MTHFD1L: variants seen among roughly 807,000 people sequenced by gnomAD.
MTHFD1L encodes monofunctional C1-tetrahydrofolate synthase, mitochondrial.
MTHFD1L carries 81 observed loss-of-function variants against 119.5 expected under a neutral mutation model. That is an observed-to-expected ratio of 0.68 (90% CI 0.57 to 0.82). The LOEUF is 0.82. MTHFD1L is among the 40% of genes least tolerant of loss of function. The pLI, the probability that MTHFD1L is intolerant of heterozygous loss-of-function variation, is 0.00. For missense variants in MTHFD1L, 1,125 were observed against 1,253.4 expected (o/e 0.90, Z 1.55); for synonymous variants, 430 against 475.2 (o/e 0.90, Z 1.24).
At chr6:150,866,395 G>GGCGGT in intron 1 of MTHFD1L, 1 of 1,378,700 alleles carries the variant, frequency 7.3e-7, no homozygotes, top group Non-Finnish European at 9.3e-7. Context: ...ACGGTAAAGG[G>GGCGGT]GCGGTGCGGC....
At chr6:150,982,896 C>T (rs893807966) in intron 20 of MTHFD1L, among the ~76,000 whole-genome samples, 8 of 152,114 alleles carry the variant, frequency 5.3e-5, no homozygotes, top group Admixed American at 3.3e-4. Context: ...GATGGGGTTT[C>T]GCCAAGTTGA....
chr6:150,909,978 C>G (rs1235040735), intron 8 of MTHFD1L, among the ~76,000 whole-genome samples: 1 of 151,830 alleles, frequency 6.6e-6, no homozygotes, highest in African/African-American at 2.4e-5. Context: ...GTCAGGAGTT[C>G]GAGACCAGCC....
Position 150,882,855 on chromosome 6 carries a change from A to G in MTHFD1L, c.511A>G (p.Asn171Asp), listed in dbSNP as rs1386822368. 1.9e-6 allele frequency: 3 copies of G among 1,579,206 alleles called. No homozygotes were observed. The highest frequency in any genetic ancestry group is 2.6e-6 in the Non-Finnish European group (3 of 1,169,770). ...SENLFSNKVL[N>D]ALKPEKDVDG... Reference sequence around the variant, plus strand: ...GAACTTGTTTAGCAACAAAGTCCTCAATGCCTTGAAACCAGAAAAAGATGT... The same window carrying G: ...GAACTTGTTTAGCAACAAAGTCCTCGATGCCTTGAAACCAGAAAAAGATGT... Residue 171 changes from asparagine (N) to aspartate (D), a missense_variant, in exon 5 of 28, where the codon AAT becomes GAT. By Grantham distance (23) the Asn-to-Asp change is conservative. Around this residue, in one of 3 missense-constraint regions of MTHFD1L, gnomAD observed 1,058 missense variants for 1,151.2 expected, o/e 0.92. Coordinates refer to ENST00000367321, the MANE Select transcript of MTHFD1L (RefSeq NM_015440.5).
In MTHFD1L at chr6:151,037,111, C is replaced by T. The variant is rs774397317; in HGVS notation, c.2841C>T (p.Val947=). Reference sequence around the variant, plus strand: ...GCGCTGGGTTCATTTACCCTTTGGTCGGAACGGTGAGTGAGTCACATTTTC... The same window carrying T: ...GCGCTGGGTTCATTTACCCTTTGGTTGGAACGGTGAGTGAGTCACATTTTC... ...SIGAGFIYPL[V]GTMSTMPGLP... is the part of the protein sequence containing the mutation. Residue 947 remains valine, a synonymous_variant, in exon 26 of 28, where the codon GTC becomes GTT. Transcript: ENST00000367321. 53 of 1,611,818 alleles carry T rather than the reference C, an allele frequency of 3.3e-5. No homozygotes were observed. The African/African-American group carries it at 4.1e-4, about 13-fold the overall frequency.
intron 11 of MTHFD1L, among the ~76,000 whole-genome samples, 183 bp from the exon 12 acceptor site, chr6:150,936,621 T>C (rs1792103044): frequency 6.6e-6 from 1 of 152,232 alleles, no homozygotes; most frequent in Non-Finnish European, 1.5e-5. Context: ...GGTGTGTCTG[T>C]ATCTTGACTT....
chr6:150,964,026 G>T (rs535186872), intron 18 of MTHFD1L, among the ~76,000 whole-genome samples: 1 of 152,172 alleles, frequency 6.6e-6, no homozygotes, highest in African/African-American at 2.4e-5. Context: ...AAAATTAGCC[G>T]TGTGTGGTGG....
In MTHFD1L at chr6:151,021,650, TCTC is replaced by T. The variant is rs199561329; in HGVS notation, c.2586+5960_2586+5962del. On this transcript the variant is annotated intron_variant, in intron 24 of 27. Transcript: ENST00000367321. ...GCCTCCTGAATTCACCTTCAAGAAT[TCTC>T]CTGTAACTCAAGGTAACTTTGTCAA... Among the ~76,000 whole-genome samples, 859 of 152,300 alleles carry T rather than the reference TCTC, an allele frequency of 5.6e-3. 13 individuals carry two copies. Among genetic ancestry groups the T allele is most frequent in the African/African-American group, 0.019 (790 of 41,548 alleles).
In MTHFD1L at chr6:150,865,720, T is replaced by TCCCGCCGCCGCC. The variant is rs1562272324; in HGVS notation, c.-102_-91dup. The stretch of plus-strand genomic sequence containing the variant: ...GGACGAGGAGGAAGCGCCAGGTCCT[T>TCCCGCCGCCGCC]CCCGCCGCCGCCGCCGCCGCCGCCG... On this transcript the variant is annotated 5_prime_UTR_variant, in exon 1 of 28. Coordinates refer to ENST00000367321, the MANE Select transcript of MTHFD1L (RefSeq NM_015440.5). 2.5e-6 allele frequency: 2 copies of TCCCGCCGCCGCC among 812,128 alleles called. No individual in the cohort carries two copies. Among genetic ancestry groups the TCCCGCCGCCGCC allele is most frequent in the Admixed American group, 1.1e-4 (2 of 18,054 alleles). The allele number at this position is 812,128 out of a possible 1,614,324, so 50.3% of individuals were successfully genotyped here. A position where few individuals can be genotyped will look rare whatever the true frequency, so the allele number is the denominator to read the frequency against.
intron 9 of MTHFD1L, among the ~76,000 whole-genome samples, chr6:150,921,854 T>C (rs1788999838): frequency 6.6e-6 from 1 of 152,234 alleles, no homozygotes; most frequent in Non-Finnish European, 1.5e-5. Context: ...GATTCATTGC[T>C]GTAAGTATGA....
chr6:151,099,637 C>A, intron 27 of MTHFD1L: 1 of 1,605,554 alleles, frequency 6.2e-7, no homozygotes, highest in African/African-American at 1.3e-5. Flanking sequence ...CTGGTGGAAA[C>A]CCAGAGGCAT....
intron 26 of MTHFD1L, chr6:151,057,341 T>G: frequency 1.0e-6 from 1 of 985,404 alleles, no homozygotes; most frequent in Non-Finnish European, 1.2e-6. Flanking sequence ...CTCAGACTGC[T>G]TTAAGGCCTG....
intron 26 of MTHFD1L, chr6:151,041,799 G>A (rs749953216): frequency 2.6e-5 from 14 of 532,596 alleles, no homozygotes; most frequent in Admixed American, 2.3e-4. Context: ...CTCCCCTCTG[G>A]CTCTAGTTGG....
At chr6:150,924,728 T>G (rs970830781) in intron 10 of MTHFD1L, among the ~76,000 whole-genome samples, 6 of 151,624 alleles carry the variant, frequency 4.0e-5, no homozygotes, top group African/African-American at 1.5e-4. Flanking sequence ...TCCTCCCGCC[T>G]TGGCCTCCCA....
At chr6:151,072,560 C>T (rs374642576) in intron 26 of MTHFD1L, among the ~76,000 whole-genome samples, 2 of 151,880 alleles carry the variant, frequency 1.3e-5, no homozygotes, top group Non-Finnish European at 1.5e-5. Context: ...GAGGCTGAGG[C>T]GGCAGATCAC....
At chr6:151,040,813 A>G (rs955408364) in intron 26 of MTHFD1L, among the ~76,000 whole-genome samples, 1 of 152,258 alleles carries the variant, frequency 6.6e-6, no homozygotes, top group African/African-American at 2.4e-5. Flanking sequence ...TAACGCCACC[A>G]TATCCAACAC....
intron 10 of MTHFD1L, among the ~76,000 whole-genome samples, chr6:150,925,234 C>T (rs936784503): frequency 6.6e-5 from 10 of 152,132 alleles, no homozygotes; most frequent in Admixed American, 2.6e-4. Flanking sequence ...CTGATGCAAC[C>T]TTTAAGGGTA....
At chr6:150,996,888 C>G (rs1779872095) in intron 20 of MTHFD1L, among the ~76,000 whole-genome samples, 1 of 152,210 alleles carries the variant, frequency 6.6e-6, no homozygotes, top group Non-Finnish European at 1.5e-5. Context: ...CTTTCATCCC[C>G]TCTGCCTTGA....
At chr6:150,893,978 T>C (rs1296309170) in intron 7 of MTHFD1L, among the ~76,000 whole-genome samples, 1 of 152,156 alleles carries the variant, frequency 6.6e-6, no homozygotes, top group Admixed American at 6.6e-5. Flanking sequence ...GTGCAGTGGT[T>C]CACGCCTGTA....
intron 20 of MTHFD1L, among the ~76,000 whole-genome samples, chr6:150,981,761 GTAA>G (rs1351438377): frequency 1.3e-5 from 2 of 152,130 alleles, no homozygotes; most frequent in African/African-American, 4.8e-5. Flanking sequence ...ATTTTCACGT[GTAA>G]TAATACTCTT....
Sources: gnomAD v4.1 joint callset for allele counts (sites outside exome capture counted in the v4.1 genomes callset) on GRCh38, gnomAD v4.1.1 for gene constraint, gnomAD v4.1.1 regional missense constraint, MANE v1.5 for transcripts, NCBI Gene and HGNC (gene_info 2026-07-23, HGNC 2026-07-21) for gene names.